The following BEND5 variants were observed in gnomAD, a reference collection of about 807,000 sequenced individuals.
The protein encoded by BEND5 is BEN domain containing 5.
A neutral mutation model predicts 43.9 loss-of-function variants in BEND5; 22 were observed. The ratio of observed to expected loss-of-function variants is 0.50; its 90% CI spans 0.36 to 0.72. BEND5 has a LOEUF of 0.72. Ranked by LOEUF, BEND5 falls within the 30% of genes least tolerant of loss-of-function variation. The pLI is 0.00. For missense variants in BEND5, 428 were observed against 550.6 expected (o/e 0.78, Z 2.23); for synonymous variants, 228 against 225.9 (o/e 1.01, Z -0.08).
rs564656117 is a variant in BEND5 at position 48,736,885 on chromosome 1, A to C, written c.895-433T>G. Among the ~76,000 whole-genome samples the C allele has an allele frequency of 2.0e-4, 30 of 152,180 alleles. No homozygotes were observed. The highest frequency in any genetic ancestry group is 3.8e-4 in the Non-Finnish European group (26 of 68,038). ...AACTTCTTTCTGTGTTACACTATGGAAAGACCCACCTTCCTTTAATGTGAA... is the reference window on the plus strand; with the variant it reads ...AACTTCTTTCTGTGTTACACTATGGCAAGACCCACCTTCCTTTAATGTGAA... On this transcript the variant is annotated intron_variant, in intron 4 of 5. Transcript: ENST00000371833. This position sits in a 1 kb window ranked among gnomAD's most constrained non-coding sequence, Gnocchi z 4.0.
chr1:48,739,555 C>A (rs889325039), intron 4 of BEND5, among the ~76,000 whole-genome samples: 2 of 152,206 alleles, frequency 1.3e-5, no homozygotes, highest in Non-Finnish European at 2.9e-5. Context: ...GGTGCTGGAG[C>A]TGCCAGCCTG....
chr1:48,761,988 G>C (rs188604128), intron 1 of BEND5, among the ~76,000 whole-genome samples: 1 of 152,292 alleles, frequency 6.6e-6, no homozygotes, highest in East Asian at 1.9e-4. Flanking sequence ...CATAAGGCAG[G>C]CTGAGGTAAG....
At chr1:48,743,937 C>T (rs10788893) in intron 3 of BEND5, among the ~76,000 whole-genome samples, 45,322 of 152,104 alleles carry the variant, frequency 0.3, 7,558 homozygotes, top group East Asian at 0.71. Context: ...GACGAAGTCT[C>T]TGTAGTATCA....
intron 5 of BEND5, among the ~76,000 whole-genome samples, chr1:48,735,970 T>A (rs1380896312): frequency 6.6e-6 from 1 of 152,158 alleles, no homozygotes; most frequent in Non-Finnish European, 1.5e-5. Flanking sequence ...TATCCTCCCC[T>A]CCTGAGAACT....
chr1:48,765,555 G>A (rs142900736), intron 1 of BEND5, among the ~76,000 whole-genome samples: 6 of 152,210 alleles, frequency 3.9e-5, no homozygotes, highest in East Asian at 1.9e-4. Flanking sequence ...CAGCAATTCC[G>A]CTCCTGGGTG....
chr1:48,741,643 C>T (rs1434385649), intron 4 of BEND5, among the ~76,000 whole-genome samples: 1 of 152,208 alleles, frequency 6.6e-6, no homozygotes, highest in African/African-American at 2.4e-5. Flanking sequence ...CTCAGGTTGG[C>T]CAGTTGCAGA....
At chr1:48,745,901 G>A (rs981304185) in intron 3 of BEND5, among the ~76,000 whole-genome samples, 14 of 151,768 alleles carry the variant, frequency 9.2e-5, no homozygotes, top group Admixed American at 5.3e-4. Context: ...GTACTTGTTC[G>A]TCTCTATATC....
intron 1 of BEND5, among the ~76,000 whole-genome samples, chr1:48,770,018 G>GA (rs1644733408): frequency 6.6e-6 from 1 of 152,056 alleles, no homozygotes; most frequent in Admixed American, 6.6e-5. Flanking sequence ...AAATACCCCT[G>GA]ACCTGCTTGC....
intron 3 of BEND5, among the ~76,000 whole-genome samples, chr1:48,753,033 C>CTG (rs1652000961): frequency 6.6e-6 from 1 of 152,224 alleles, no homozygotes; most frequent in African/African-American, 2.4e-5. Context: ...CAGGCGTGAG[C>CTG]CACTGCCCCC....
intron 5 of BEND5, among the ~76,000 whole-genome samples, chr1:48,730,974 A>G (rs1487908930): frequency 6.6e-6 from 1 of 152,228 alleles, no homozygotes; most frequent in Non-Finnish European, 1.5e-5. Flanking sequence ...TTTCCAAAGC[A>G]GCGTCAATGT....
chr1:48,767,052 T>G (rs887565516), intron 1 of BEND5, among the ~76,000 whole-genome samples: 1 of 152,168 alleles, frequency 6.6e-6, no homozygotes, highest in African/African-American at 2.4e-5. Flanking sequence ...CTCACATCCA[T>G]AGAAGATTAC....
intron 1 of BEND5, among the ~76,000 whole-genome samples, chr1:48,769,637 T>A (rs1570605981): frequency 2.0e-5 from 3 of 151,590 alleles, no homozygotes; most frequent in Admixed American, 2.0e-4. Context: ...CTTTCCACAG[T>A]GGGCAGTACC....
intron 1 of BEND5, among the ~76,000 whole-genome samples, chr1:48,766,403 A>C (rs1316396): frequency 0.068 from 10,361 of 152,246 alleles, 573 homozygotes; most frequent in East Asian, 0.3. Flanking sequence ...AATGACAGCT[A>C]CAGTTGAGGA....
At chr1:48,762,746 G>A (rs1644342001) in intron 1 of BEND5, among the ~76,000 whole-genome samples, 1 of 151,878 alleles carries the variant, frequency 6.6e-6, no homozygotes. Flanking sequence ...TGAGAATGCA[G>A]CTTATAAGCA....
intron 1 of BEND5, among the ~76,000 whole-genome samples, chr1:48,765,634 T>C (rs1249561287): frequency 2.6e-5 from 4 of 152,170 alleles, no homozygotes; most frequent in African/African-American, 9.7e-5. Context: ...AACAGCATTA[T>C]TCATTAACAG....
At chr1:48,731,013 G>A (rs1226657723) in intron 5 of BEND5, among the ~76,000 whole-genome samples, 1 of 152,084 alleles carries the variant, frequency 6.6e-6, no homozygotes, top group Admixed American at 6.5e-5. Flanking sequence ...ATCGGGTAAG[G>A]AACTATTTTA....
intron 3 of BEND5, among the ~76,000 whole-genome samples, chr1:48,754,468 G>C (rs1652221345): frequency 6.6e-6 from 1 of 152,082 alleles, no homozygotes; most frequent in Non-Finnish European, 1.5e-5. Flanking sequence ...AATAAATAAT[G>C]AATGAAGGAA....
intron 3 of BEND5, among the ~76,000 whole-genome samples, chr1:48,756,020 A>C (rs556920615): frequency 6.6e-6 from 1 of 152,350 alleles, no homozygotes; most frequent in East Asian, 1.9e-4. Flanking sequence ...AGCCAAAGTT[A>C]ACCCTGTCTT....
chr1:48,758,974 A>G lies in BEND5; in HGVS notation c.671T>C (p.Leu224Pro). ...ACGGAGCTCCTTCATTTCAGACACA[A>G]GTGCCCCGTACTCCTTGAGCTTCTT... Reference protein sequence around the residue: ...QAKKLKEYGALVSEMKELRDL... With the variant: ...QAKKLKEYGAPVSEMKELRDL... Residue 224 changes from leucine to proline, a missense_variant, in exon 3 of 6, where the codon CTT becomes CCT. Physicochemically the swap from Leu to Pro is moderately conservative, Grantham distance 98. This residue lies in a region of BEND5 where 243 missense variants were observed against 286.4 expected (regional missense o/e 0.85). Coordinates refer to ENST00000371833, the MANE Select transcript of BEND5 (RefSeq NM_024603.4). 6.2e-7 allele frequency: 1 copy of G among 1,610,662 alleles called. No individual in the cohort carries two copies. The highest frequency in any genetic ancestry group is 8.5e-7 in the Non-Finnish European group (1 of 1,178,554).
Sources: gnomAD v4.1 joint callset for allele counts (sites outside exome capture counted in the v4.1 genomes callset) on GRCh38, gnomAD v4.1.1 for gene constraint, gnomAD v4.1.1 regional missense constraint, Gnocchi (gnomAD v3.1) non-coding constraint, MANE v1.5 for transcripts, NCBI Gene and HGNC (gene_info 2026-07-23, HGNC 2026-07-21) for gene names.